S100A8: variants seen among roughly 807,000 people sequenced by gnomAD.
S100A8 encodes protein S100-A8.
S100A8 carries 1 observed loss-of-function variant against 4.2 expected under a neutral mutation model. The observed-to-expected ratio is 0.24, with a 90% confidence interval of 0.08 to 1.12. The LOEUF (loss-of-function observed/expected upper bound fraction) is 1.12. S100A8 is among the 50% of genes most tolerant of loss of function. S100A8 has a pLI of 0.53. For missense variants in S100A8, 96 were observed against 111.8 expected (o/e 0.86, Z 0.64); for synonymous variants, 41 against 44.7 (o/e 0.92, Z 0.33).
the S100A8 span, among the ~76,000 whole-genome samples, chr1:153,406,380 GA>G: frequency 6.3e-4 from 96 of 151,916 alleles, no homozygotes; most frequent in Non-Finnish European, 1.2e-3. Context: ...CAGAGAAAGT[GA>G]CCACTGAACT....
chr1:153,409,917 C>A, the S100A8 span, among the ~76,000 whole-genome samples: 1 of 152,144 alleles, frequency 6.6e-6, no homozygotes, highest in African/African-American at 2.4e-5. Flanking sequence ...AATAAAGATG[C>A]TCTTTGAAAC....
At chr1:153,419,155 G>C in the S100A8 span, 3 of 1,613,896 alleles carry the variant, frequency 1.9e-6, no homozygotes, top group Non-Finnish European at 2.5e-6. Flanking sequence ...GACAAAAAGG[G>C]CATACATTAC....
the S100A8 span, among the ~76,000 whole-genome samples, chr1:153,412,309 A>G: frequency 6.6e-6 from 1 of 152,232 alleles, no homozygotes; most frequent in Non-Finnish European, 1.5e-5. Flanking sequence ...CAACCCCATC[A>G]AAAAGTGGGC....
At chr1:153,391,160 G>A (rs1014001223), upstream of S100A8, 3 of 985,382 alleles carry the variant, frequency 3.0e-6, no homozygotes, top group African/African-American at 5.2e-5. Context: ...GCTTCTCCCT[G>A]CCAGAGTTGC....
the S100A8 span, among the ~76,000 whole-genome samples, chr1:153,398,929 C>T: frequency 6.6e-6 from 1 of 152,354 alleles, no homozygotes; most frequent in South Asian, 2.1e-4. Context: ...TCCAGTCCTA[C>T]ACCCGCCTTG....
chr1:153,410,179 A>G, the S100A8 span, among the ~76,000 whole-genome samples: 1 of 152,212 alleles, frequency 6.6e-6, no homozygotes, highest in Non-Finnish European at 1.5e-5. Flanking sequence ...CAAAAAATCA[A>G]TGAATCCAGG....
At chr1:153,420,530 G>A in the S100A8 span, 2 of 152,270 alleles carry the variant, frequency 1.3e-5, no homozygotes, top group Non-Finnish European at 2.9e-5. Flanking sequence ...CAGCAGCAGT[G>A]TGTAAGATGG....
At chr1:153,392,885 G>T (rs1662134758), upstream of S100A8, among the ~76,000 whole-genome samples, 1 of 152,190 alleles carries the variant, frequency 6.6e-6, no homozygotes, top group Non-Finnish European at 1.5e-5. Context: ...CACAATAACA[G>T]CAGCCACAAT....
the S100A8 span, among the ~76,000 whole-genome samples, chr1:153,399,263 C>T: frequency 4.7e-4 from 71 of 152,342 alleles, 1 homozygote; most frequent in Admixed American, 1.7e-3. Flanking sequence ...TTCACAGGTC[C>T]TTCAGGAGCA....
upstream of S100A8, among the ~76,000 whole-genome samples, chr1:153,395,710 TCA>T (rs1034293114): frequency 6.6e-6 from 1 of 152,298 alleles, no homozygotes; most frequent in African/African-American, 2.4e-5. Flanking sequence ...ATTCCAATGC[TCA>T]GTTTTCAGGG....
chr1:153,417,006 C>T, the S100A8 span, among the ~76,000 whole-genome samples: 2 of 152,236 alleles, frequency 1.3e-5, no homozygotes, highest in Non-Finnish European at 2.9e-5. Flanking sequence ...AATTCTCAGT[C>T]AATCTCTGGG....
the S100A8 span, among the ~76,000 whole-genome samples, chr1:153,397,956 C>T: frequency 2.0e-5 from 3 of 152,214 alleles, no homozygotes; most frequent in Non-Finnish European, 2.9e-5. Flanking sequence ...GTACAGTTTG[C>T]CCTGGAAAGG....
the S100A8 span, among the ~76,000 whole-genome samples, chr1:153,408,444 A>T: frequency 6.6e-6 from 1 of 152,212 alleles, no homozygotes; most frequent in Admixed American, 6.5e-5. Flanking sequence ...GTAAAAAGAA[A>T]TGGACAAAGC....
the S100A8 span, among the ~76,000 whole-genome samples, chr1:153,416,725 G>T: frequency 6.6e-6 from 1 of 152,324 alleles, no homozygotes; most frequent in Admixed American, 6.5e-5. Context: ...GACCCCAAAA[G>T]CCCACGTCTG....
chr1:153,409,603 C>A, the S100A8 span, among the ~76,000 whole-genome samples: 2 of 151,970 alleles, frequency 1.3e-5, no homozygotes, highest in Non-Finnish European at 2.9e-5. Context: ...TCCAGCTCTG[C>A]ACCAAGCAGA....
rs1459340333 is a variant in S100A8, at chr1:153,390,200, G to A, written c.185C>T (p.Thr62Ile). ...CTCCTGGAAGTTAACTGCACCATCA[G>A]TGTTGATATCCAACTCTTTGAACCA... ...DVWFKELDIN[T>I]DGAVNFQEFL... is the part of the protein sequence containing the mutation. The change falls in exon 3 of 3, where the codon ACT (threonine) becomes ATT (isoleucine). Residue 62 changes from threonine (T) to isoleucine (I), a missense_variant. By Grantham distance (89) the Thr-to-Ile change is moderately conservative (BLOSUM62 -1). Coordinates refer to ENST00000368733, the MANE Select transcript of S100A8 (RefSeq NM_002964.5). 1 of 1,614,042 alleles carries A rather than the reference G, an allele frequency of 6.2e-7. No individual in the cohort carries two copies. Among genetic ancestry groups the A allele is most frequent in the Non-Finnish European group, 8.5e-7 (1 of 1,179,914 alleles).
the S100A8 span, among the ~76,000 whole-genome samples, chr1:153,407,940 G>A: frequency 6.6e-6 from 1 of 152,144 alleles, no homozygotes. Flanking sequence ...CAAACAGAAA[G>A]GACATCCACG....
At chr1:153,420,115 AC>A in the S100A8 span, 1 of 152,242 alleles carries the variant, frequency 6.6e-6, no homozygotes, top group Non-Finnish European at 1.5e-5. Flanking sequence ...AGGCAGCATC[AC>A]GGAAATTCTG....
At chr1:153,401,861 G>A in the S100A8 span, among the ~76,000 whole-genome samples, 1 of 152,120 alleles carries the variant, frequency 6.6e-6, no homozygotes, top group Non-Finnish European at 1.5e-5. Context: ...TTATACTGAT[G>A]GAATATTTAG....
Sources: allele counts gnomAD v4.1 joint callset (sites outside exome capture counted in the v4.1 genomes callset), GRCh38; gene constraint gnomAD v4.1.1; transcripts MANE v1.5; gene names NCBI Gene and HGNC (gene_info 2026-07-23, HGNC 2026-07-21).